The following LRGUK variants were observed in gnomAD, a reference collection of about 807,000 sequenced individuals.
The protein encoded by LRGUK is leucine rich repeats and guanylate kinase domain containing.
In LRGUK, 65 loss-of-function variants were observed where a neutral mutation model predicts 76.0. The ratio of observed to expected loss-of-function variants is 0.85; its 90% CI spans 0.70 to 1.05. The LOEUF is 1.05. LRGUK is among the 50% of genes least tolerant of loss of function. LRGUK has a pLI of 0.00. For synonymous variants in LRGUK, 268 were observed against 265.6 expected (o/e 1.01, Z -0.09); for missense variants, 758 against 732.8 (o/e 1.03, Z -0.40).
intron 15 of LRGUK, among the ~76,000 whole-genome samples, chr7:134,218,329 G>C (rs1356255259): frequency 6.6e-6 from 1 of 152,098 alleles, no homozygotes; most frequent in African/African-American, 2.4e-5. Context: ...CTGTTTCTAA[G>C]TCATCCATTT....
intron 5 of LRGUK, among the ~76,000 whole-genome samples, chr7:134,157,500 T>G (rs1798526740): frequency 1.3e-5 from 2 of 152,144 alleles, no homozygotes; most frequent in Non-Finnish European, 2.9e-5. Flanking sequence ...ATTAAATGAG[T>G]CAGATACAAT....
chr7:134,263,864 T>G, exon 20 of LRGUK: 2 of 1,610,634 alleles, frequency 1.2e-6, no homozygotes. Flanking sequence ...TACAATCATT[T>G]TCACATGAAA....
chr7:134,176,958 C>G lies in LRGUK; in HGVS notation c.1021-19C>G. 6.7e-7 allele frequency: 1 copy of G among 1,485,014 alleles called. No individual in the cohort carries two copies. The highest frequency in any genetic ancestry group is 1.7e-4 in the Middle Eastern group (1 of 5,786). 92.0% of individuals were successfully genotyped at this position (1,485,014 alleles called of 1,614,324 possible). ...GGAAAAGGAAGGCAACTGAACAGTC[C>G]TCTTGATATTTTAAATAGGAAAAGT... On this transcript the variant is annotated intron_variant, in intron 8 of 15. Transcript: ENST00000645682.
chr7:134,260,205 C>T (rs1802686750), intron 19 of LRGUK, among the ~76,000 whole-genome samples: 1 of 151,690 alleles, frequency 6.6e-6, no homozygotes, highest in South Asian at 2.1e-4. Context: ...ATGATTGTAA[C>T]ATATATATGC....
intron 7 of LRGUK, among the ~76,000 whole-genome samples, chr7:134,171,057 T>C (rs953589682): frequency 2.0e-5 from 3 of 152,196 alleles, no homozygotes; most frequent in African/African-American, 7.2e-5. Context: ...TAAAACTATT[T>C]GTCTTTAGTT....
At chr7:134,183,763 C>T (rs1316117671) in exon 11 of LRGUK, 4 of 1,613,874 alleles carry the variant, frequency 2.5e-6, no homozygotes, top group Non-Finnish European at 3.4e-6. Context: ...GCCCCTTATC[C>T]CATGCTGATA....
intron 2 of LRGUK, 102 bp from the exon 3 acceptor site, chr7:134,139,334 T>C (rs948258006): frequency 1.4e-6 from 1 of 734,366 alleles, no homozygotes; most frequent in African/African-American, 1.8e-5. Flanking sequence ...TCTATACTTG[T>C]GAAAGAAATT....
chr7:134,130,287 T>TC lies in LRGUK; in HGVS notation c.297+2635dup, dbSNP rs376297003. ...GATGTTTGTATGGTTTCCACCAGCT[T>TC]CCCCCCCCCCCCAGAGGAATTCACA... is the stretch of plus-strand genomic sequence containing the variant. On this transcript the variant is annotated intron_variant, in intron 1 of 15. Coordinates refer to ENST00000645682, the Ensembl canonical transcript of LRGUK. 1.4e-4 allele frequency among the ~76,000 whole-genome samples: 22 copies of TC among 151,940 alleles called. 1 individual carries two copies. The highest frequency in any genetic ancestry group is 4.4e-4 in the African/African-American group (18 of 41,302).
chr7:134,179,030 A>G (rs1306377781), intron 10 of LRGUK, among the ~76,000 whole-genome samples: 1 of 151,874 alleles, frequency 6.6e-6, no homozygotes, highest in Non-Finnish European at 1.5e-5. Context: ...ATCCATTGTA[A>G]ATTTTCCCTC....
At position 134,221,197 on chromosome 7, in the gene LRGUK, C is replaced by T. The variant is rs556225187; in HGVS notation, c.1844-582C>T. ...ATTTTAGCATTTTAAAAGCAATACT[C>T]CTGAAATTGTTGATGCTCCCATATA... On this transcript the variant is annotated intron_variant, in intron 15 of 19. Transcript: ENST00000285928. Among the ~76,000 whole-genome samples the T allele has an allele frequency of 2.0e-3, 297 of 152,214 alleles. 1 individual carries two copies. The highest frequency in any genetic ancestry group is 6.7e-3 in the African/African-American group (278 of 41,538).
At position 134,217,153 on chromosome 7, in the gene LRGUK, C is replaced by CTTT. The variant is rs75989063; in HGVS notation, c.1844-4612_1844-4610dup. Among the ~76,000 whole-genome samples the CTTT allele has an allele frequency of 8.9e-3, 1,093 of 122,158 alleles. 20 individuals are homozygous for CTTT. The highest frequency in any genetic ancestry group is 0.027 in the African/African-American group (891 of 33,118). 80.1% of individuals were successfully genotyped at this position (122,158 alleles called of 152,430 possible). A position where few individuals can be genotyped will look rare whatever the true frequency, so the allele number is the denominator to read the frequency against. On this transcript the variant is annotated intron_variant, in intron 15 of 19. Coordinates refer to the LRGUK transcript ENST00000285928. Reference sequence around the variant, plus strand: ...GTAACTACTTCATTAAATACTCATCCTTTTTTTTTTTTTTTTCGGAATTCT... The same window carrying CTTT: ...GTAACTACTTCATTAAATACTCATCCTTTTTTTTTTTTTTTTTTTCGGAATTCT...
intron 7 of LRGUK, among the ~76,000 whole-genome samples, chr7:134,167,007 C>T (rs970676274): frequency 6.6e-6 from 1 of 152,198 alleles, no homozygotes; most frequent in African/African-American, 2.4e-5. Context: ...AAGGGTTGGA[C>T]TGGGTGAGTC....
Position 134,178,484 on chromosome 7 carries a change from A to C in LRGUK, c.1108-19A>C. 2 of 1,576,072 alleles carry C rather than the reference A, an allele frequency of 1.3e-6. No homozygotes were observed. The highest frequency in any genetic ancestry group is 2.2e-5 in the East Asian group (1 of 44,510). The stretch of plus-strand genomic sequence containing the variant: ...AAACAAAACTTTTTTTCCCTTTTAC[A>C]TCTCTAATTCTGGAAAAGGTTTCAG... On this transcript the variant is annotated intron_variant, in intron 9 of 15. Coordinates refer to ENST00000645682, the Ensembl canonical transcript of LRGUK.
intron 10 of LRGUK, among the ~76,000 whole-genome samples, chr7:134,179,530 G>A (rs1488831789): frequency 6.6e-6 from 1 of 152,024 alleles, no homozygotes; most frequent in Non-Finnish European, 1.5e-5. Flanking sequence ...TGTTTATGGT[G>A]GCCCTCTAGG....
intron 10 of LRGUK, among the ~76,000 whole-genome samples, chr7:134,181,526 G>T (rs202174612): frequency 3.9e-3 from 1 of 254 alleles, no homozygotes; most frequent in African/African-American, 0.011. Flanking sequence ...AGTGTTTTTT[G>T]TTTGTTTGTT....
chr7:134,258,686 A>C (rs1802645714), intron 19 of LRGUK, among the ~76,000 whole-genome samples: 1 of 151,326 alleles, frequency 6.6e-6, no homozygotes, highest in Non-Finnish European at 1.5e-5. Context: ...CAAGAGCAAA[A>C]CTCCGTCTCA....
At chr7:134,228,787 T>C (rs777701513) in intron 16 of LRGUK, among the ~76,000 whole-genome samples, 3 of 152,130 alleles carry the variant, frequency 2.0e-5, no homozygotes, top group Non-Finnish European at 2.9e-5. Context: ...AATATCAGAT[T>C]ATCAAATTTT....
intron 12 of LRGUK, among the ~76,000 whole-genome samples, 169 bp downstream of exon 12, chr7:134,191,920 C>A (rs1416052178): frequency 6.7e-6 from 1 of 150,020 alleles, no homozygotes; most frequent in African/African-American, 2.5e-5. Context: ...ATACGTCATT[C>A]TTCACATGCT....
At chr7:134,209,967 C>CTTGGATCAGGCTGCA (rs1434394086) in exon 16 of LRGUK, 1 of 399,314 alleles carries the variant, frequency 2.5e-6, no homozygotes, top group African/African-American at 2.1e-5. Context: ...CAGCCTGATC[C>CTTGGATCAGGCTGCA]AAGGCCTGCA....
Sources: gnomAD v4.1 joint callset for allele counts (sites outside exome capture counted in the v4.1 genomes callset) on GRCh38, gnomAD v4.1.1 for gene constraint, MANE v1.5 for transcripts, NCBI Gene and HGNC (gene_info 2026-07-23, HGNC 2026-07-21) for gene names.